Variants in TMSB15B observed in about 807,000 individuals in gnomAD.
TMSB15B encodes the protein thymosin beta 15B.
At chrX:103,939,802 C>T (rs1556323457) in intron 1 of TMSB15B, among the ~76,000 whole-genome samples, 1 of 111,834 alleles carries the variant, frequency 8.9e-6, no homozygotes, top group African/African-American at 3.3e-5. Context: ...GTTTATCTAC[C>T]TTTCGTCTTT....
At chrX:103,951,231 T>TC (rs1249046182) in intron 1 of TMSB15B, among the ~76,000 whole-genome samples, 3 of 111,877 alleles carry the variant, frequency 2.7e-5, no homozygotes, top group African/African-American at 9.8e-5. Flanking sequence ...GTGTTAGGAC[T>TC]CCAACATATG....
At chrX:103,936,219 T>A (rs782581626) in intron 1 of TMSB15B, among the ~76,000 whole-genome samples, 23 of 111,688 alleles carry the variant, frequency 2.1e-4, no homozygotes, top group Non-Finnish European at 2.1e-4. Flanking sequence ...GGAATAGCAT[T>A]GAACCTATAA....
chrX:103,929,429 G>A (rs1556319525), intron 1 of TMSB15B, among the ~76,000 whole-genome samples: 1 of 111,823 alleles, frequency 8.9e-6, no homozygotes, highest in Non-Finnish European at 1.9e-5. Flanking sequence ...AAAGAACTGT[G>A]CTTGACTCTT....
intron 1 of TMSB15B, among the ~76,000 whole-genome samples, chrX:103,922,043 G>C (rs1372174966): frequency 2.8e-5 from 3 of 108,994 alleles, no homozygotes; most frequent in Non-Finnish European, 5.7e-5. Context: ...GAACAATTTA[G>C]TTGTTATCTT....
At chrX:103,920,140 G>A (rs782599515) in intron 1 of TMSB15B, among the ~76,000 whole-genome samples, 1 of 112,112 alleles carries the variant, frequency 8.9e-6, no homozygotes, top group South Asian at 3.7e-4. Context: ...AATTTCGACA[G>A]CCCTTTGTGA....
At chrX:103,927,850 T>C (rs1235941729) in intron 1 of TMSB15B, among the ~76,000 whole-genome samples, 1 of 111,305 alleles carries the variant, frequency 9.0e-6, no homozygotes. Context: ...ACTGTAGTGG[T>C]GGCTCTGTCC....
intron 1 of TMSB15B, among the ~76,000 whole-genome samples, chrX:103,935,752 A>G (rs1341044051): frequency 9.3e-6 from 1 of 107,814 alleles, no homozygotes; most frequent in African/African-American, 3.4e-5. Flanking sequence ...CTCGTAGTAT[A>G]TTTTGAAGTC....
At chrX:103,927,716 T>C (rs2074972615) in intron 1 of TMSB15B, among the ~76,000 whole-genome samples, 1 of 108,200 alleles carries the variant, frequency 9.2e-6, no homozygotes, top group Non-Finnish European at 1.9e-5. Context: ...TAGTAGTTTA[T>C]AGAATGCACA....
intron 1 of TMSB15B, among the ~76,000 whole-genome samples, chrX:103,953,290 C>T (rs2075043298): frequency 8.9e-6 from 1 of 111,756 alleles, no homozygotes; most frequent in Non-Finnish European, 1.9e-5. Context: ...GGCAGGAGAG[C>T]GGACATGCAT....
intron 1 of TMSB15B, among the ~76,000 whole-genome samples, chrX:103,922,056 C>G (rs1385573076): frequency 9.1e-6 from 1 of 109,554 alleles, no homozygotes; most frequent in Non-Finnish European, 1.9e-5. Flanking sequence ...GTTATCTTGC[C>G]TTTATTCCTA....
chrX:103,922,945 T>C (rs188570101), intron 1 of TMSB15B, among the ~76,000 whole-genome samples: 2,601 of 112,483 alleles, frequency 0.023, 68 homozygotes, highest in African/African-American at 0.079. Flanking sequence ...ATTTGCATTT[T>C]TCTGATGGCC....
intron 1 of TMSB15B, among the ~76,000 whole-genome samples, chrX:103,951,386 A>G (rs1474615576): frequency 1.8e-5 from 2 of 112,001 alleles, no homozygotes; most frequent in Admixed American, 1.9e-4. Flanking sequence ...TCAATTTTCT[A>G]GTGAAACAGG....
rs138010658 is a variant in TMSB15B, at chrX:103,919,949, G to A, written c.-721+657G>A. Among the ~76,000 whole-genome samples, 623 of 111,733 alleles carry A rather than the reference G, an allele frequency of 5.6e-3. 1 individual carries two copies. The highest frequency in any genetic ancestry group is 7.5e-3 in the Non-Finnish European group (398 of 53,105). ...ATCTCAACAGCAGTCTCAATGTGAT[G>A]ATAGTGCTGAGGGAGGGGGTGAGGA... On this transcript the variant is annotated intron_variant, in intron 1 of 3. Transcript: ENST00000419165.
At chrX:103,953,201 A>G (rs2075043108) in intron 1 of TMSB15B, among the ~76,000 whole-genome samples, 1 of 111,063 alleles carries the variant, frequency 9.0e-6, no homozygotes. Flanking sequence ...GATTTTTGCA[A>G]CCCACAGGTC....
rs189407043 is a variant in TMSB15B at position 103,947,980 on chromosome X, G to A, written c.-720-14041G>A. Among the ~76,000 whole-genome samples, 1,000 of 111,352 alleles carry A rather than the reference G, an allele frequency of 9.0e-3. 4 individuals are homozygous for A. The highest frequency in any genetic ancestry group is 0.019 in the Admixed American group (194 of 10,476). ...CGCATGTTCTCACCCATAAGTGAGA[G>A]TTGAACAATGAGAACATTTGGGGAC... On this transcript the variant is annotated intron_variant, in intron 1 of 3. Transcript: ENST00000419165.
chrX:103,922,021 T>C (rs1264886458), intron 1 of TMSB15B, among the ~76,000 whole-genome samples: 3 of 110,874 alleles, frequency 2.7e-5, no homozygotes, highest in African/African-American at 9.8e-5. Flanking sequence ...ATTAGACCGA[T>C]TGCAGCTTTT....
intron 1 of TMSB15B, among the ~76,000 whole-genome samples, chrX:103,936,077 C>T (rs2074997087): frequency 9.0e-6 from 1 of 110,564 alleles, no homozygotes; most frequent in Admixed American, 9.6e-5. Flanking sequence ...AACTCCCCAC[C>T]TCAGGTAATC....
At chrX:103,941,252 A>G (rs1398948640) in intron 1 of TMSB15B, among the ~76,000 whole-genome samples, 1 of 112,389 alleles carries the variant, frequency 8.9e-6, no homozygotes, top group Non-Finnish European at 1.9e-5. Flanking sequence ...TTATTGATTG[A>G]TGGACACTTA....
chrX:103,928,262 C>G, intron 1 of TMSB15B: 1 of 1,206,652 alleles, frequency 8.3e-7, no homozygotes, highest in South Asian at 1.8e-5. Context: ...GTTTCGGCAA[C>G]AGATCCATGC....
Sources: gnomAD v4.1 joint callset for allele counts (sites outside exome capture counted in the v4.1 genomes callset) on GRCh38, gnomAD v4.1.1 for gene constraint, MANE v1.5 for transcripts, NCBI Gene and HGNC (gene_info 2026-07-23, HGNC 2026-07-21) for gene names.